Variants in GRID2IP observed in about 807,000 individuals in gnomAD.
GRID2IP encodes the protein delphilin.
GRID2IP carries 78 observed loss-of-function variants against 114.3 expected under a neutral mutation model. The observed-to-expected ratio is 0.68, with a 90% CI of 0.57 to 0.82. The LOEUF is 0.82. GRID2IP is among the 40% of genes least tolerant of loss of function. The pLI is 0.00. For missense variants in GRID2IP, 1,727 were observed against 1,678.5 expected, an observed-to-expected ratio of 1.03 and a Z score of -0.51; for synonymous variants, 809 against 724.0, an observed-to-expected ratio of 1.12 and a Z score of -1.89.
intron 4 of GRID2IP, among the ~76,000 whole-genome samples, chr7:6,522,273 G>A (rs753353353): frequency 4.6e-5 from 7 of 152,170 alleles, no homozygotes; most frequent in Non-Finnish European, 7.3e-5. Flanking sequence ...GACTCTGCAC[G>A]TCTCTGATCT....
intron 2 of GRID2IP, among the ~76,000 whole-genome samples, chr7:6,533,232 A>T (rs919034383): frequency 6.6e-6 from 1 of 152,170 alleles, no homozygotes; most frequent in African/African-American, 2.4e-5. Flanking sequence ...CCTAAATGTC[A>T]GCAGTGCCCT....
rs755670062 is a variant in GRID2IP, at chr7:6,497,128, C to T, written c.*646G>A. 8.5e-5 allele frequency among the ~76,000 whole-genome samples: 13 copies of T among 152,142 alleles called. No homozygotes were observed. The highest frequency in any genetic ancestry group is 1.6e-4 in the Non-Finnish European group (11 of 68,028). On this transcript the variant is annotated 3_prime_UTR_variant, in exon 22 of 22. Transcript: ENST00000457091. ...ACCTATTCCACTCCCAGGCTCCCCA[C>T]TTCCAATTGGGCCACCTCTACACAG... is the stretch of plus-strand genomic sequence containing the variant.
chr7:6,514,146 G>A (rs550487887), intron 8 of GRID2IP, among the ~76,000 whole-genome samples: 5 of 152,202 alleles, frequency 3.3e-5, no homozygotes, highest in East Asian at 1.9e-4. Context: ...CCAGCTACTC[G>A]GGAGGCTGAC....
At position 6,516,315 on chromosome 7, in the gene GRID2IP, G is replaced by A. The variant is rs118063962; in HGVS notation, c.1269-1786C>T. ...ATAGTTATACTAGAAATAGATTATA[G>A]ATATGTATATGAATATTATTAATAA... On this transcript the variant is annotated intron_variant, in intron 7 of 21. Transcript: ENST00000457091. The surrounding 1 kb of genome is among the most constrained non-coding windows in gnomAD (Gnocchi z 4.3). Among the ~76,000 whole-genome samples, 3,763 of 151,976 alleles carry A rather than the reference G, an allele frequency of 0.025. 82 individuals carry two copies. The highest frequency in any genetic ancestry group is 0.051 in the Middle Eastern group (15 of 292).
Position 6,522,676 on chromosome 7 carries a change from C to T in GRID2IP, c.920-719G>A, listed in dbSNP as rs570230691. On this transcript the variant is annotated intron_variant, in intron 4 of 21. Coordinates refer to ENST00000457091, the MANE Select transcript of GRID2IP (RefSeq NM_001145118.2). ...AATTTTTTTTTTTGAGATGGAGTCT[C>T]GCTCTATCACCCAGGCTGGAGTGCA... 1.4e-4 allele frequency among the ~76,000 whole-genome samples: 21 copies of T among 151,610 alleles called. No homozygotes were observed. In the East Asian group the frequency reaches 3.7e-3, roughly 27 times the overall value.
rs190087948 is a variant in GRID2IP, at chr7:6,509,749, G to C, written c.1772-436C>G. Among the ~76,000 whole-genome samples, 36 of 152,332 alleles carry C rather than the reference G, an allele frequency of 2.4e-4. No individual in the cohort carries two copies. Among genetic ancestry groups the C allele is most frequent in the Non-Finnish European group, 4.6e-4 (31 of 68,026 alleles). On this transcript the variant is annotated intron_variant, in intron 11 of 21. Transcript: ENST00000457091. The surrounding 1 kb of genome is among the most constrained non-coding windows in gnomAD (Gnocchi z 4.9). ...TGTCTTCCCAGCTGTGCCAACGCTG[G>C]TACAACGCGTTGCACTTGATCATTT...
Position 6,523,900 on chromosome 7 carries a change from T to C in GRID2IP, c.920-1943A>G, listed in dbSNP as rs746477288. On this transcript the variant is annotated intron_variant, in intron 4 of 21. Transcript: ENST00000457091. The surrounding 1 kb of genome is among the most constrained non-coding windows in gnomAD (Gnocchi z 4.5). ...GGGAGAGACTGGGAGATGGAGATGG[T>C]GGTGGTGGCATGGTTGGAACAGCCA... Among the ~76,000 whole-genome samples, 30 of 152,180 alleles carry C rather than the reference T, an allele frequency of 2.0e-4. No individual in the cohort carries two copies. Among genetic ancestry groups the C allele is most frequent in the Non-Finnish European group, 3.4e-4 (23 of 68,022 alleles).
chr7:6,524,004 T>G (rs536955252), intron 4 of GRID2IP, among the ~76,000 whole-genome samples: 3 of 152,300 alleles, frequency 2.0e-5, no homozygotes, highest in South Asian at 4.1e-4. Flanking sequence ...TACAATATGG[T>G]GTCAACAAGT....
chr7:6,550,519 T>A (rs1042842718), intron 1 of GRID2IP, among the ~76,000 whole-genome samples: 2 of 151,818 alleles, frequency 1.3e-5, no homozygotes, highest in Non-Finnish European at 2.9e-5. Flanking sequence ...GAATAAAAAT[T>A]GCAAAATTAG....
chr7:6,508,355 C>T lies in GRID2IP; in HGVS notation c.2174G>A (p.Ser725Asn). 6.4e-7 allele frequency: 1 copy of T among 1,551,632 alleles called. No homozygotes were observed. Among genetic ancestry groups the T allele is most frequent in the Non-Finnish European group, 8.7e-7 (1 of 1,147,054 alleles). The change falls in exon 13 of 22, where the codon AGC becomes AAC. Residue 725 changes from serine (S) to asparagine (N), a missense_variant. Physicochemically the swap from Ser to Asn is conservative, Grantham distance 46. Coordinates refer to ENST00000457091, the MANE Select transcript of GRID2IP (RefSeq NM_001145118.2). The surrounding 1 kb of genome is among the most constrained non-coding windows in gnomAD (Gnocchi z 5.6). The part of the protein sequence containing the change: ...DQGSFVTNER[S>N]SASDCISSSE... ...GCTGCTGATGCAGTCGCTGGCGCTGCTCCGCTCATTGGTTACGAAGCTGCC... is the reference window on the plus strand; with the variant it reads ...GCTGCTGATGCAGTCGCTGGCGCTGTTCCGCTCATTGGTTACGAAGCTGCC...
chr7:6,546,625 T>C (rs1468651400), intron 1 of GRID2IP, among the ~76,000 whole-genome samples: 1 of 151,572 alleles, frequency 6.6e-6, no homozygotes, highest in African/African-American at 2.4e-5. Flanking sequence ...GCCCTTCATC[T>C]TCCAGAGGAA....
Position 6,498,572 on chromosome 7 carries a change from C to CTTT in GRID2IP, c.3400-347_3400-345dup, listed in dbSNP as rs34146767. Among the ~76,000 whole-genome samples, 204 of 68,114 alleles carry CTTT rather than the reference C, an allele frequency of 3.0e-3. 2 individuals carry two copies. The highest frequency in any genetic ancestry group is 5.6e-3 in the African/African-American group (77 of 13,786). The allele number at this position is 68,114 out of a possible 152,430, so 44.7% of individuals were successfully genotyped here. On this transcript the variant is annotated intron_variant, in intron 20 of 21. Transcript: ENST00000457091. ...CCCCTCTGTCACTCTCTAGGCCTTA[C>CTTT]TTTTTTTTTTTTTTTTTTTTTTTTT...
At chr7:6,540,041 T>C (rs80223657) in intron 1 of GRID2IP, among the ~76,000 whole-genome samples, 169 bp from the exon 2 acceptor site, 6 of 116,648 alleles carry the variant, frequency 5.1e-5, no homozygotes, top group African/African-American at 3.5e-4. Context: ...TCCTTTCTCT[T>C]TCTCTCTTCC....
Position 6,541,907 on chromosome 7 carries a change from G to A in GRID2IP, c.430-2035C>T, listed in dbSNP as rs923981599. ...TGTGTATTATTTCTAACACTAAGAC[G>A]TTGGCAGCAATATAAATATCTGACA... On this transcript the variant is annotated intron_variant, in intron 1 of 21. Coordinates refer to ENST00000457091, the MANE Select transcript of GRID2IP (RefSeq NM_001145118.2). Among the ~76,000 whole-genome samples, 4 of 152,186 alleles carry A rather than the reference G, an allele frequency of 2.6e-5. No homozygotes were observed. The East Asian group carries it at 7.7e-4, about 29-fold the overall frequency.
rs193144187 is a variant in GRID2IP at position 6,502,533 on chromosome 7, A to G, written c.3150+253T>C. Among the ~76,000 whole-genome samples, 3 of 151,596 alleles carry G rather than the reference A, an allele frequency of 2.0e-5. No individual in the cohort carries two copies. The East Asian group carries it at 5.8e-4, about 29-fold the overall frequency. On this transcript the variant is annotated intron_variant, in intron 18 of 21. Transcript: ENST00000457091. ...CCCAGCCCAATCCCCAGCCTTTGAC[A>G]CTCTCTTTCCAACTCTCTTCCCTCA...
chr7:6,510,884 C>G, intron 9 of GRID2IP, 24 bp downstream of exon 9: 1 of 1,548,900 alleles, frequency 6.5e-7, no homozygotes, highest in Non-Finnish European at 8.7e-7. Context: ...TCCATTCATA[C>G]CCTCCCCCTG....
chr7:6,526,853 G>T lies in GRID2IP; in HGVS notation c.585-84C>A. 7.3e-7 allele frequency: 1 copy of T among 1,367,074 alleles called. No homozygotes were observed. The highest frequency in any genetic ancestry group is 9.5e-7 in the Non-Finnish European group (1 of 1,056,190). 84.7% of individuals were successfully genotyped at this position (1,367,074 alleles called of 1,614,324 possible). A position where few individuals can be genotyped will look rare whatever the true frequency, so the allele number is the denominator to read the frequency against. On this transcript the variant is annotated intron_variant, in intron 2 of 21. Transcript: ENST00000457091. This position sits in a 1 kb window ranked among gnomAD's most constrained non-coding sequence, Gnocchi z 7.6. ...GCGGCCCGAAGGCGCGTCCTCGCGG[G>T]CGCCGCCCTAGGCTCTCCCACCTCT...
At chr7:6,501,170 G>C (rs1049215497) in intron 20 of GRID2IP, among the ~76,000 whole-genome samples, 6 of 152,160 alleles carry the variant, frequency 3.9e-5, no homozygotes, top group African/African-American at 1.4e-4. Flanking sequence ...GGAAAACATA[G>C]TGAACCCATG....
intron 2 of GRID2IP, among the ~76,000 whole-genome samples, chr7:6,529,225 C>G (rs1020036687): frequency 6.6e-6 from 1 of 152,132 alleles, no homozygotes; most frequent in African/African-American, 2.4e-5. Flanking sequence ...CCGAGGCAGG[C>G]AGATTACCTG....
Sources: allele counts gnomAD v4.1 joint callset (sites outside exome capture counted in the v4.1 genomes callset), GRCh38; gene constraint gnomAD v4.1.1; non-coding constraint Gnocchi (gnomAD v3.1); transcripts MANE v1.5; gene names NCBI Gene and HGNC (gene_info 2026-07-23, HGNC 2026-07-21).